The following AGAP1 variants were observed in gnomAD, a reference collection of about 807,000 sequenced individuals.
The protein encoded by AGAP1 is arf-GAP with GTPase, ANK repeat and PH domain-containing protein 1.
A neutral mutation model predicts 105.3 loss-of-function variants in AGAP1; 29 were observed. The observed-to-expected ratio is 0.28, with a 90% CI of 0.21 to 0.38. The LOEUF is 0.38. Among genes scored for constraint, AGAP1 ranks in the 10% least tolerant of loss-of-function variants. The probability of loss-of-function intolerance (pLI) is 1.00; values close to 1 mark genes in which losing one functional copy is unlikely to be tolerated. For missense variants in AGAP1, 998 were observed against 1,165.1 expected (o/e 0.86, Z 2.09); for synonymous variants, 509 against 485.9 (o/e 1.05, Z -0.63).
At chr2:235,658,104 T>C (rs1240156357) in intron 1 of AGAP1, among the ~76,000 whole-genome samples, 11 of 152,230 alleles carry the variant, frequency 7.2e-5, no homozygotes, top group Non-Finnish European at 1.5e-4. Flanking sequence ...CGTACAGTGA[T>C]GGCTTCAAAT....
intron 11 of AGAP1, among the ~76,000 whole-genome samples, chr2:235,911,023 C>G (rs1325399939): frequency 6.6e-6 from 1 of 152,080 alleles, no homozygotes; most frequent in Non-Finnish European, 1.5e-5. Context: ...CCCTTCTGAC[C>G]ATCACATCTA....
At chr2:236,085,351 G>GCGTC (rs1420066642) in intron 16 of AGAP1, among the ~76,000 whole-genome samples, 1 of 152,190 alleles carries the variant, frequency 6.6e-6, no homozygotes, top group African/African-American at 2.4e-5. Flanking sequence ...CAAATCAGAA[G>GCGTC]CGTCCTTTGT....
chr2:236,086,017 A>C (rs1257877528), intron 16 of AGAP1, among the ~76,000 whole-genome samples: 1 of 152,226 alleles, frequency 6.6e-6, no homozygotes, highest in Non-Finnish European at 1.5e-5. Context: ...GATCTGTTCC[A>C]TTGACTGCAT....
Position 235,988,762 on chromosome 2 carries a change from G to A in AGAP1, c.1645+20139G>A, listed in dbSNP as rs1294232561. Reference sequence around the variant, plus strand: ...AGCTCTCAGATTGCACTTCAGAATCGGTGATGCGCACTCATTCCCCTGCAC... The same window carrying A: ...AGCTCTCAGATTGCACTTCAGAATCAGTGATGCGCACTCATTCCCCTGCAC... On this transcript the variant is annotated intron_variant, in intron 13 of 17. Transcript: ENST00000304032. The surrounding 1 kb of genome is among the most constrained non-coding windows in gnomAD (Gnocchi z 4.7). 1.3e-5 allele frequency among the ~76,000 whole-genome samples: 2 copies of A among 152,084 alleles called. No individual in the cohort carries two copies. Among genetic ancestry groups the A allele is most frequent in the South Asian group, 2.1e-4 (1 of 4,820 alleles).
At chr2:235,698,463 T>A (rs1575159828) in intron 1 of AGAP1, among the ~76,000 whole-genome samples, 1 of 152,350 alleles carries the variant, frequency 6.6e-6, no homozygotes, top group African/African-American at 2.4e-5. Flanking sequence ...GAATTTAACC[T>A]ACGGATTTTG....
intron 1 of AGAP1, among the ~76,000 whole-genome samples, chr2:235,518,029 C>T (rs553991958): frequency 6.6e-6 from 1 of 152,082 alleles, no homozygotes; most frequent in Non-Finnish European, 1.5e-5. Context: ...CCCCCATTTG[C>T]AGGTGAGAGG....
rs1403890030 is a variant in AGAP1, at chr2:235,959,491, C to T, written c.1484-8971C>T. 6.6e-6 allele frequency among the ~76,000 whole-genome samples: 1 copy of T among 152,162 alleles called. No individual in the cohort carries two copies. The highest frequency in any genetic ancestry group is 1.5e-5 in the Non-Finnish European group (1 of 68,026). ...CATATTCCCGTGGCCGAGCTCAGCG[C>T]CCAGTGGACGGGAACCCGGTCCTTC... On this transcript the variant is annotated intron_variant, in intron 12 of 17. Coordinates refer to ENST00000304032, the MANE Select transcript of AGAP1 (RefSeq NM_001037131.3). The surrounding 1 kb of genome is among the most constrained non-coding windows in gnomAD (Gnocchi z 7.3).
intron 1 of AGAP1, among the ~76,000 whole-genome samples, chr2:235,546,320 G>A (rs1943620737): frequency 6.6e-6 from 1 of 152,202 alleles, no homozygotes; most frequent in East Asian, 1.9e-4. Context: ...TCAGGTCCTT[G>A]ATTATATCCC....
In AGAP1 at chr2:235,967,392, A is replaced by T. The variant is rs2054447854; in HGVS notation, c.1484-1070A>T. Among the ~76,000 whole-genome samples the T allele has an allele frequency of 1.3e-5, 2 of 151,974 alleles. No individual in the cohort carries two copies. The highest frequency in any genetic ancestry group is 4.2e-4 in the South Asian group (2 of 4,816). ...CCCGCGTTCCTATTCGGTCTTTCCC[A>T]TAACTCTTACCAGCTTCTGATGGAC... On this transcript the variant is annotated intron_variant, in intron 12 of 17. Transcript: ENST00000304032. This position sits in a 1 kb window ranked among gnomAD's most constrained non-coding sequence, Gnocchi z 4.7.
chr2:235,652,476 G>A (rs1448384842), intron 1 of AGAP1, among the ~76,000 whole-genome samples: 1 of 152,136 alleles, frequency 6.6e-6, no homozygotes, highest in South Asian at 2.1e-4. Context: ...CATGTTAAGA[G>A]AGCAGCCTCT....
intron 1 of AGAP1, among the ~76,000 whole-genome samples, chr2:235,657,942 C>T (rs770417282): frequency 4.6e-5 from 7 of 152,140 alleles, no homozygotes; most frequent in South Asian, 2.1e-4. Flanking sequence ...AGGGGGAAGA[C>T]GGCATGTCCA....
At chr2:235,925,214 A>G (rs2052387654) in intron 11 of AGAP1, among the ~76,000 whole-genome samples, 1 of 152,166 alleles carries the variant, frequency 6.6e-6, no homozygotes, top group African/African-American at 2.4e-5. Flanking sequence ...TGTTAGACTC[A>G]CCTCGTCTAC....
intron 9 of AGAP1, among the ~76,000 whole-genome samples, chr2:235,807,684 G>C (rs1008070858): frequency 6.6e-6 from 1 of 152,186 alleles, no homozygotes; most frequent in African/African-American, 2.4e-5. Flanking sequence ...AGCCCCTTGT[G>C]ATCACAGGAA....
intron 3 of AGAP1, among the ~76,000 whole-genome samples, chr2:235,730,122 G>A (rs562308451): frequency 2.0e-5 from 3 of 152,156 alleles, no homozygotes; most frequent in South Asian, 2.1e-4. Context: ...TCATAAGCCC[G>A]TACTTTTACA....
chr2:235,853,882 C>T (rs980592885), intron 9 of AGAP1, among the ~76,000 whole-genome samples: 4 of 151,978 alleles, frequency 2.6e-5, no homozygotes, highest in African/African-American at 9.7e-5. Flanking sequence ...CTGTTACTAG[C>T]GACAGTCCCT....
At chr2:236,063,872 G>A (rs750427432) in intron 16 of AGAP1, among the ~76,000 whole-genome samples, 1 of 152,190 alleles carries the variant, frequency 6.6e-6, no homozygotes, top group Non-Finnish European at 1.5e-5. Flanking sequence ...CCAGGGGTCT[G>A]GAAGATGAAC....
intron 1 of AGAP1, among the ~76,000 whole-genome samples, chr2:235,573,827 A>C (rs982908110): frequency 6.6e-6 from 1 of 152,326 alleles, no homozygotes; most frequent in Non-Finnish European, 1.5e-5. Context: ...GTGCATTCCT[A>C]AATCCAAATG....
rs948507219 is a variant in AGAP1 at position 235,958,958 on chromosome 2, G to A, written c.1484-9504G>A. Among the ~76,000 whole-genome samples the A allele has an allele frequency of 1.3e-5, 2 of 152,230 alleles. No individual in the cohort carries two copies. The highest frequency in any genetic ancestry group is 4.8e-5 in the African/African-American group (2 of 41,468). ...GTATTATATATTTTTTGGGGTGTGC[G>A]TTGAACATTGATGCCCGATTGGGAA... On this transcript the variant is annotated intron_variant, in intron 12 of 17. Coordinates refer to ENST00000304032, the MANE Select transcript of AGAP1 (RefSeq NM_001037131.3). The surrounding 1 kb of genome is among the most constrained non-coding windows in gnomAD (Gnocchi z 4.1).
At chr2:236,030,220 C>A (rs2057184114) in intron 13 of AGAP1, among the ~76,000 whole-genome samples, 1 of 152,146 alleles carries the variant, frequency 6.6e-6, no homozygotes, top group African/African-American at 2.4e-5. Context: ...ACCATGTTGA[C>A]CAGGCTGGTC....
Sources: allele counts gnomAD v4.1 joint callset (sites outside exome capture counted in the v4.1 genomes callset), GRCh38; gene constraint gnomAD v4.1.1; non-coding constraint Gnocchi (gnomAD v3.1); transcripts MANE v1.5; gene names NCBI Gene and HGNC (gene_info 2026-07-23, HGNC 2026-07-21).